NEURL1: variants seen among roughly 807,000 people sequenced by gnomAD.
NEURL1 encodes E3 ubiquitin-protein ligase NEURL1.
Under a neutral mutation model 41.2 loss-of-function variants are expected in NEURL1, and 26 were observed. The ratio of observed to expected loss-of-function variants is 0.63; its 90% CI spans 0.46 to 0.87. The LOEUF (loss-of-function observed/expected upper bound fraction) is 0.87, where lower values mean the gene tolerates loss of function less well. Among genes scored for constraint, NEURL1 ranks in the 40% least tolerant of loss-of-function variants. The pLI is 0.00. For missense variants in NEURL1, 761 were observed against 871.1 expected (o/e 0.87, Z 1.59); for synonymous variants, 400 against 402.3 (o/e 0.99, Z 0.07).
At chr10:103,498,937 G>A (rs2033755790) in intron 1 of NEURL1, among the ~76,000 whole-genome samples, 1 of 152,212 alleles carries the variant, frequency 6.6e-6, no homozygotes, top group Non-Finnish European at 1.5e-5. Context: ...CCATTCATCA[G>A]TTGGTGGACT....
Position 103,584,726 on chromosome 10 carries a change from GCAGCACAGCCGCGCGCTGC to G in NEURL1, c.842_860del (p.Gln281ArgfsTer217). ...CCATCCCGCAGAACTCACTCAACTC[GCAGCACAGCCGCGCGCTGC>G]CGGCGCAGCTCGACGGCGACCTGCG... On this transcript the variant is annotated frameshift_variant, in exon 4 of 6. Transcript: ENST00000369780. LOFTEE classifies it high-confidence loss of function. 4 of 1,466,350 alleles carry G rather than the reference GCAGCACAGCCGCGCGCTGC, an allele frequency of 2.7e-6. No homozygotes were observed. The highest frequency in any genetic ancestry group is 3.6e-6 in the Non-Finnish European group (4 of 1,114,534). 90.8% of individuals were successfully genotyped at this position (1,466,350 alleles called of 1,614,324 possible).
intron 1 of NEURL1, among the ~76,000 whole-genome samples, chr10:103,501,889 C>G (rs191965072): frequency 3.3e-5 from 5 of 152,236 alleles, no homozygotes; most frequent in Non-Finnish European, 7.4e-5. Context: ...CCGTCTCGGC[C>G]TCCCAAAGTG....
chr10:103,522,740 A>G (rs1592194227), intron 1 of NEURL1, among the ~76,000 whole-genome samples: 1 of 152,162 alleles, frequency 6.6e-6, no homozygotes, highest in African/African-American at 2.4e-5. Flanking sequence ...ACCAAAACAC[A>G]CGAATTTGCA....
At chr10:103,538,584 C>CT (rs796129230) in intron 1 of NEURL1, among the ~76,000 whole-genome samples, 1 of 151,184 alleles carries the variant, frequency 6.6e-6, no homozygotes, top group Non-Finnish European at 1.5e-5. Flanking sequence ...ACAAACCAAA[C>CT]TTTTTTTTCC....
At chr10:103,554,909 G>A (rs1399471823) in intron 1 of NEURL1, among the ~76,000 whole-genome samples, 1 of 152,200 alleles carries the variant, frequency 6.6e-6, no homozygotes, top group Non-Finnish European at 1.5e-5. Context: ...AATGGCTGTC[G>A]GCCTGGGCGT....
At chr10:103,564,495 C>A (rs2035376027) in intron 1 of NEURL1, among the ~76,000 whole-genome samples, 1 of 152,222 alleles carries the variant, frequency 6.6e-6, no homozygotes, top group Non-Finnish European at 1.5e-5. Context: ...TGCCCAGCCC[C>A]TCCTGCACAC....
chr10:103,571,924 C>A, intron 3 of NEURL1, 102 bp downstream of exon 3: 1 of 1,178,580 alleles, frequency 8.5e-7, no homozygotes, highest in Non-Finnish European at 1.2e-6. Flanking sequence ...AGGGACCCCT[C>A]TCTGACTGGT....
Position 103,571,001 on chromosome 10 carries a change from C to G in NEURL1, c.215C>G (p.Ser72Cys). The change falls in exon 2 of 6, where the codon TCC becomes TGC. Residue 72 changes from serine (S) to cysteine (C), a missense_variant. This residue lies in a region of NEURL1 where 65 missense variants were observed against 131.6 expected (regional missense o/e 0.49). Transcript: ENST00000369780. ...PLLFHPHTKG[S>C]QILMDLSHKA... ...CTCTTCCACCCGCACACCAAGGGCTCCCAGATCCTCATGGACCTCAGCCAC... is the reference window on the plus strand; with the variant it reads ...CTCTTCCACCCGCACACCAAGGGCTGCCAGATCCTCATGGACCTCAGCCAC... 6.2e-7 allele frequency: 1 copy of G among 1,614,030 alleles called. No homozygotes were observed. The highest frequency in any genetic ancestry group is 8.5e-7 in the Non-Finnish European group (1 of 1,180,016).
chr10:103,585,617 G>A (rs1218266454), intron 4 of NEURL1, among the ~76,000 whole-genome samples: 1 of 152,132 alleles, frequency 6.6e-6, no homozygotes, highest in Non-Finnish European at 1.5e-5. Context: ...GGCGAATCAT[G>A]AGGTCAGGAG....
intron 1 of NEURL1, among the ~76,000 whole-genome samples, chr10:103,503,167 G>A (rs1227687638): frequency 6.6e-6 from 1 of 152,244 alleles, no homozygotes; most frequent in Non-Finnish European, 1.5e-5. Context: ...GACCAGAGGC[G>A]CTAATGGGCC....
At chr10:103,548,568 C>G (rs2034970848) in intron 1 of NEURL1, among the ~76,000 whole-genome samples, 2 of 152,240 alleles carry the variant, frequency 1.3e-5, no homozygotes, top group South Asian at 4.1e-4. Flanking sequence ...GGTGATCTGC[C>G]CGCCTCGGCC....
At chr10:103,521,241 C>A (rs531721564) in intron 1 of NEURL1, among the ~76,000 whole-genome samples, 1 of 152,086 alleles carries the variant, frequency 6.6e-6, no homozygotes, top group Non-Finnish European at 1.5e-5. Context: ...AATAAAGGGC[C>A]GGTCCGTTAT....
At chr10:103,501,660 T>C (rs372015911) in intron 1 of NEURL1, among the ~76,000 whole-genome samples, 5 of 91,540 alleles carry the variant, frequency 5.5e-5, no homozygotes, top group African/African-American at 2.4e-4. Context: ...GAGACGGAGT[T>C]TCCCTCTTGT....
intron 1 of NEURL1, among the ~76,000 whole-genome samples, chr10:103,498,331 C>CA (rs1432281311): frequency 2.0e-5 from 3 of 152,134 alleles, no homozygotes; most frequent in Non-Finnish European, 4.4e-5. Flanking sequence ...GGGTTCACGC[C>CA]TTCTCCCGCC....
intron 1 of NEURL1, among the ~76,000 whole-genome samples, chr10:103,563,667 G>GTAA (rs747010741): frequency 1.4e-4 from 22 of 152,080 alleles, no homozygotes; most frequent in Non-Finnish European, 1.2e-4. Flanking sequence ...GATATAAATA[G>GTAA]TAATAATAAT....
chr10:103,567,043 T>G (rs1030892122), intron 1 of NEURL1, among the ~76,000 whole-genome samples: 2 of 151,376 alleles, frequency 1.3e-5, no homozygotes, highest in African/African-American at 4.9e-5. Flanking sequence ...AGTGCAGTGG[T>G]GCTGTCTCGG....
chr10:103,573,184 C>T (rs897000417), intron 3 of NEURL1, among the ~76,000 whole-genome samples: 2 of 152,120 alleles, frequency 1.3e-5, no homozygotes, highest in Non-Finnish European at 2.9e-5. Flanking sequence ...TTCACCTCAA[C>T]AAAAGTGTTT....
rs1338752819 is a variant in NEURL1 at position 103,585,056 on chromosome 10, C to T, written c.1170C>T (p.Pro390=). 5 of 1,589,774 alleles carry T rather than the reference C, an allele frequency of 3.1e-6. No homozygotes were observed. The highest frequency in any genetic ancestry group is 4.3e-6 in the Non-Finnish European group (5 of 1,176,218). The change falls in exon 4 of 6, where the codon CCC becomes CCT. Residue 390 remains proline (P), a synonymous_variant. Transcript: ENST00000369780. ...RKEFWAVCRV[P]GPLHSGDILG... ...AATTCTGGGCCGTGTGCCGCGTGCC[C>T]GGGCCCCTGCACAGCGGCGACATCC...
At chr10:103,579,730 T>C (rs569678642) in intron 3 of NEURL1, among the ~76,000 whole-genome samples, 1 of 152,224 alleles carries the variant, frequency 6.6e-6, no homozygotes, top group African/African-American at 2.4e-5. Flanking sequence ...TCACTTGAGC[T>C]GAGGAGTTCG....
Sources: allele counts gnomAD v4.1 joint callset (sites outside exome capture counted in the v4.1 genomes callset), GRCh38; gene constraint gnomAD v4.1.1; regional missense constraint gnomAD v4.1.1; transcripts MANE v1.5; gene names NCBI Gene and HGNC (gene_info 2026-07-23, HGNC 2026-07-21).